Variants in HDX observed in about 807,000 individuals in gnomAD.
HDX encodes the protein chromosome X open reading frame 43.
In HDX, 19 loss-of-function variants were observed where a neutral mutation model predicts 45.2. That is an observed-to-expected ratio of 0.42 (90% CI 0.29 to 0.62). The LOEUF is 0.62. HDX is among the 20% of genes least tolerant of loss of function. The pLI is 0.20. For missense variants in HDX, 532 were observed against 493.9 expected (o/e 1.08, Z -0.73); for synonymous variants, 188 against 172.8 (o/e 1.09, Z -0.69).
chrX:84,435,070 C>T (rs998106633), intron 5 of HDX, among the ~76,000 whole-genome samples: 60 of 110,760 alleles, frequency 5.4e-4, no homozygotes, highest in Non-Finnish European at 9.3e-4. Flanking sequence ...CTTTCTTAGT[C>T]TAGTTAAGGA....
At chrX:84,371,009 C>T (rs1375044053) in intron 5 of HDX, among the ~76,000 whole-genome samples, 2 of 112,176 alleles carry the variant, frequency 1.8e-5, no homozygotes, top group Non-Finnish European at 3.8e-5. Flanking sequence ...ATGTAAGGTC[C>T]ATCATTTCAA....
intron 2 of HDX, among the ~76,000 whole-genome samples, chrX:84,478,125 T>G (rs2040595430): frequency 8.9e-6 from 1 of 112,220 alleles, no homozygotes; most frequent in Non-Finnish European, 1.9e-5. Context: ...TCATTTGTGT[T>G]AAGTTGTAAA....
At chrX:84,387,173 T>G (rs1169386839) in intron 5 of HDX, among the ~76,000 whole-genome samples, 1 of 112,392 alleles carries the variant, frequency 8.9e-6, no homozygotes, top group Non-Finnish European at 1.9e-5. Flanking sequence ...TTCATTTGTT[T>G]GTATTGCACT....
At chrX:84,445,122 C>T (rs2039844271) in intron 4 of HDX, among the ~76,000 whole-genome samples, 1 of 111,834 alleles carries the variant, frequency 8.9e-6, no homozygotes, top group Non-Finnish European at 1.9e-5. Flanking sequence ...AAAGACAATT[C>T]TATGTATATG....
At chrX:84,396,452 G>T (rs1052150440) in intron 5 of HDX, among the ~76,000 whole-genome samples, 1 of 112,027 alleles carries the variant, frequency 8.9e-6, no homozygotes, top group African/African-American at 3.2e-5. Context: ...CCTATCCTTG[G>T]GCCCTAAGGC....
chrX:84,356,387 T>C (rs1368544457), intron 6 of HDX, among the ~76,000 whole-genome samples: 1 of 111,354 alleles, frequency 9.0e-6, no homozygotes, highest in Non-Finnish European at 1.9e-5. Context: ...AAACAGTTCC[T>C]TATTCTTTCA....
intron 4 of HDX, among the ~76,000 whole-genome samples, chrX:84,452,462 C>A (rs59873405): frequency 0.013 from 1,422 of 107,417 alleles, 35 homozygotes; most frequent in African/African-American, 0.047. Context: ...CAAAAGAATT[C>A]TACAAGGAAA....
chrX:84,391,652 G>A (rs1469286506), intron 5 of HDX, among the ~76,000 whole-genome samples: 1 of 111,354 alleles, frequency 9.0e-6, no homozygotes, highest in Non-Finnish European at 1.9e-5. Context: ...TTCAACTGGG[G>A]TGTGATATCT....
At chrX:84,476,661 T>G (rs1421171724) in intron 2 of HDX, among the ~76,000 whole-genome samples, 2 of 110,615 alleles carry the variant, frequency 1.8e-5, no homozygotes, top group African/African-American at 6.6e-5. Flanking sequence ...AGACAGAAAT[T>G]TTTCCAGCAT....
chrX:84,395,080 C>T (rs761553129), intron 5 of HDX, among the ~76,000 whole-genome samples: 33 of 111,028 alleles, frequency 3.0e-4, no homozygotes, highest in Non-Finnish European at 5.5e-4. Flanking sequence ...TGTTTTCTCT[C>T]ATATCATCGT....
intron 6 of HDX, among the ~76,000 whole-genome samples, chrX:84,359,648 A>G (rs945562430): frequency 8.9e-6 from 1 of 111,841 alleles, no homozygotes; most frequent in East Asian, 2.8e-4. Flanking sequence ...TGCTGCAATG[A>G]ACATACGTGT....
chrX:84,444,295 G>A (rs2039825566), intron 4 of HDX, among the ~76,000 whole-genome samples: 1 of 111,103 alleles, frequency 9.0e-6, no homozygotes, highest in Admixed American at 9.6e-5. Flanking sequence ...GTAGAAAATA[G>A]GTAGCCATTG....
At chrX:84,445,601 G>T (rs1196372209) in intron 4 of HDX, among the ~76,000 whole-genome samples, 1 of 110,740 alleles carries the variant, frequency 9.0e-6, no homozygotes, top group Non-Finnish European at 1.9e-5. Flanking sequence ...ACTAATGCAT[G>T]GGGTAAGGAG....
At chrX:84,351,027 C>A (rs1042621548) in intron 6 of HDX, among the ~76,000 whole-genome samples, 2 of 109,562 alleles carry the variant, frequency 1.8e-5, no homozygotes, top group African/African-American at 3.3e-5. Context: ...ATCTATCTAT[C>A]TATCTATCTA....
intron 1 of HDX, among the ~76,000 whole-genome samples, 192 bp from the exon 2 acceptor site, chrX:84,488,324 AACACAC>A (rs200905875): frequency 0.25 from 23,458 of 94,591 alleles, 2,509 homozygotes; most frequent in African/African-American, 0.37. Flanking sequence ...TAAAATCTAA[AACACAC>A]ACACACACAC....
Position 84,348,947 on chromosome X carries a change from C to T in HDX, c.1453-4490G>A, listed in dbSNP as rs189528230. On this transcript the variant is annotated intron_variant, in intron 6 of 10. Transcript: ENST00000373177. ...ACTTTTCCATTCTTCCTGTCAAGAG[C>T]ATGAGGGAGTTTTTCTCCAATATTC... is the stretch of plus-strand genomic sequence containing the variant. Among the ~76,000 whole-genome samples the T allele has an allele frequency of 4.0e-4, 45 of 111,668 alleles. 2 individuals carry two copies. The East Asian group carries it at 0.01, about 25-fold the overall frequency.
chrX:84,351,395 G>T (rs1251133160), intron 6 of HDX, among the ~76,000 whole-genome samples: 1 of 110,626 alleles, frequency 9.0e-6, no homozygotes, highest in Non-Finnish European at 1.9e-5. Context: ...CTTTGCGGAG[G>T]TGGGGGCATC....
chrX:84,327,783 G>A (rs1458043246), intron 9 of HDX, among the ~76,000 whole-genome samples: 1 of 111,042 alleles, frequency 9.0e-6, no homozygotes, highest in East Asian at 2.8e-4. Flanking sequence ...TTAAAAAAAA[G>A]AAAACTTTTA....
chrX:84,390,641 C>T (rs1370743849), intron 5 of HDX, among the ~76,000 whole-genome samples: 2 of 111,920 alleles, frequency 1.8e-5, no homozygotes, highest in African/African-American at 3.2e-5. Context: ...TAATATTCAG[C>T]TGTCATTATT....
Sources: gnomAD v4.1 joint callset for allele counts (sites outside exome capture counted in the v4.1 genomes callset) on GRCh38, gnomAD v4.1.1 for gene constraint, MANE v1.5 for transcripts, NCBI Gene and HGNC (gene_info 2026-07-23, HGNC 2026-07-21) for gene names.